DNAJC3: variants seen among roughly 807,000 people sequenced by gnomAD.
The protein encoded by DNAJC3 is dnaJ homolog subfamily C member 3.
In DNAJC3, 38 loss-of-function variants were observed where a neutral mutation model predicts 68.6. That is an observed-to-expected ratio of 0.55 (90% confidence interval 0.43 to 0.73). The LOEUF is 0.73. Among genes scored for constraint, DNAJC3 ranks in the 30% least tolerant of loss-of-function variants. DNAJC3 has a pLI of 0.00. For missense variants in DNAJC3, 526 were observed against 591.9 expected, an observed-to-expected ratio of 0.89 and a Z score of 1.16; for synonymous variants, 203 against 204.0, an observed-to-expected ratio of 1.00 and a Z score of 0.04.
chr13:95,740,186 G>C (rs1006373466), intron 4 of DNAJC3, among the ~76,000 whole-genome samples: 29 of 152,296 alleles, frequency 1.9e-4, no homozygotes, highest in Middle Eastern at 3.4e-3. Context: ...CTCCAGCTGC[G>C]TGCTGGGAGA....
intron 4 of DNAJC3, among the ~76,000 whole-genome samples, chr13:95,733,436 G>T (rs565637515): frequency 1.3e-5 from 2 of 152,190 alleles, no homozygotes; most frequent in African/African-American, 4.8e-5. Flanking sequence ...CTGTCACCCA[G>T]GCTGGAGTGC....
At chr13:95,677,485 C>G in intron 1 of DNAJC3, 148 bp downstream of exon 1, 1 of 756,050 alleles carries the variant, frequency 1.3e-6, no homozygotes, top group Non-Finnish European at 2.0e-6. Flanking sequence ...GGCCTGAGCC[C>G]GCGCCCGGTT....
In DNAJC3 at chr13:95,791,320, A is replaced by C. The variant is rs1594035594; in HGVS notation, c.*290A>C. On this transcript the variant is annotated 3_prime_UTR_variant, in exon 12 of 12. Transcript: ENST00000602402. ...GGCTCACCCGTGGAAGTGCTCACGT[A>C]TTCTGTATTATTTTTCTACACTGGA... 2.8e-6 allele frequency: 1 copy of C among 358,020 alleles called. No homozygotes were observed. Among genetic ancestry groups the C allele is most frequent in the African/African-American group, 3.0e-5 (1 of 32,936 alleles). 22.2% of individuals were successfully genotyped at this position (358,020 alleles called of 1,614,324 possible). A position where few individuals can be genotyped will look rare whatever the true frequency, so the allele number is the denominator to read the frequency against.
intron 9 of DNAJC3, among the ~76,000 whole-genome samples, chr13:95,770,312 G>A (rs890509772): frequency 1.3e-5 from 2 of 151,940 alleles, no homozygotes; most frequent in African/African-American, 4.8e-5. Context: ...AACAGACTAA[G>A]TATATGAACG....
intron 9 of DNAJC3, among the ~76,000 whole-genome samples, chr13:95,780,846 G>A (rs889853337): frequency 7.2e-5 from 11 of 152,212 alleles, no homozygotes; most frequent in African/African-American, 2.7e-4. Flanking sequence ...GGTGGCCCGC[G>A]TCACAGTGCT....
At chr13:95,712,641 G>A (rs1175670432) in intron 2 of DNAJC3, among the ~76,000 whole-genome samples, 1 of 151,964 alleles carries the variant, frequency 6.6e-6, no homozygotes, top group South Asian at 2.1e-4. Context: ...CAAAGAGCTG[G>A]GATTACAGAC....
intron 1 of DNAJC3, among the ~76,000 whole-genome samples, chr13:95,701,505 A>C (rs2139617476): frequency 6.6e-6 from 1 of 152,302 alleles, no homozygotes; most frequent in South Asian, 2.1e-4. Flanking sequence ...CCCCTGTAAC[A>C]GATTTCCCCA....
chr13:95,695,000 C>T (rs1398580568), intron 1 of DNAJC3: 2 of 152,532 alleles, frequency 1.3e-5, no homozygotes, highest in East Asian at 3.9e-4. Flanking sequence ...TGAGGCGCTA[C>T]AGTAATTACA....
At chr13:95,692,842 ACGGAGT>A (rs1880315288) in intron 1 of DNAJC3, 1 of 133,542 alleles carries the variant, frequency 7.5e-6, no homozygotes, top group African/African-American at 2.8e-5. Flanking sequence ...TTTTTTTGAG[ACGGAGT>A]CTTGATCTTC....
In DNAJC3 at chr13:95,792,783, T is replaced by C. The variant is rs1224357191; in HGVS notation, c.*1753T>C. ...ATTTCCAAGGCATTTCTGTTTATTC[T>C]TTAGTAATCTCACTACTGGCTATGT... On this transcript the variant is annotated 3_prime_UTR_variant, in exon 12 of 12. Transcript: ENST00000602402. The C allele has an allele frequency of 6.6e-6, 1 of 152,246 alleles. No homozygotes were observed. Among genetic ancestry groups the C allele is most frequent in the East Asian group, 1.9e-4 (1 of 5,200 alleles). 9.4% of individuals were successfully genotyped at this position (152,246 alleles called of 1,614,324 possible). A position where few individuals can be genotyped will look rare whatever the true frequency, so the allele number is the denominator to read the frequency against.
intron 4 of DNAJC3, among the ~76,000 whole-genome samples, chr13:95,726,806 T>C (rs1219834758): frequency 2.6e-5 from 4 of 152,258 alleles, no homozygotes; most frequent in Non-Finnish European, 5.9e-5. Flanking sequence ...TTATAGTTTA[T>C]GGAAATGCTT....
intron 1 of DNAJC3, among the ~76,000 whole-genome samples, chr13:95,682,987 A>C (rs373444780): frequency 6.6e-6 from 1 of 152,234 alleles, no homozygotes; most frequent in Non-Finnish European, 1.5e-5. Flanking sequence ...CCTCCTCTCA[A>C]ACTTGCTTTT....
intron 2 of DNAJC3, among the ~76,000 whole-genome samples, chr13:95,712,443 C>A (rs1881002384): frequency 6.8e-6 from 1 of 147,308 alleles, no homozygotes; most frequent in South Asian, 2.1e-4. Flanking sequence ...GTAGTGCAAT[C>A]TCAGCTTACT....
chr13:95,786,183 CAT>C, intron 10 of DNAJC3, 112 bp downstream of exon 10: 1 of 1,185,756 alleles, frequency 8.4e-7, no homozygotes, highest in Non-Finnish European at 1.2e-6. Flanking sequence ...TAATTTCAGT[CAT>C]ATGGATTAAA....
intron 2 of DNAJC3, among the ~76,000 whole-genome samples, chr13:95,716,400 G>C (rs1230445867): frequency 6.6e-6 from 1 of 152,148 alleles, no homozygotes; most frequent in Admixed American, 6.5e-5. Context: ...GTGGGTGTGT[G>C]TTACAGTGTG....
chr13:95,788,340 T>C (rs1883664706), intron 11 of DNAJC3, among the ~76,000 whole-genome samples: 1 of 152,110 alleles, frequency 6.6e-6, no homozygotes, highest in Non-Finnish European at 1.5e-5. Flanking sequence ...TCTTCTTATG[T>C]GAGAGGGACT....
chr13:95,691,504 G>C (rs1319257986), intron 1 of DNAJC3, among the ~76,000 whole-genome samples: 1 of 151,818 alleles, frequency 6.6e-6, no homozygotes, highest in Non-Finnish European at 1.5e-5. Context: ...GATGGCGGCC[G>C]GGAAGAGGCA....
chr13:95,698,398 G>A (rs77678596), intron 1 of DNAJC3, among the ~76,000 whole-genome samples: 25 of 152,320 alleles, frequency 1.6e-4, no homozygotes, highest in East Asian at 5.8e-4. Context: ...GGGTCAGGGC[G>A]AGATAGCTGG....
At chr13:95,690,785 G>A (rs546864521) in intron 1 of DNAJC3, among the ~76,000 whole-genome samples, 52 of 137,920 alleles carry the variant, frequency 3.8e-4, no homozygotes, top group African/African-American at 8.3e-4. Context: ...CTGGCCGGGC[G>A]GGGGGCTGAC....
Sources: allele counts gnomAD v4.1 joint callset (sites outside exome capture counted in the v4.1 genomes callset), GRCh38; gene constraint gnomAD v4.1.1; transcripts MANE v1.5; gene names NCBI Gene and HGNC (gene_info 2026-07-23, HGNC 2026-07-21).